The following TPM4 variants were observed in gnomAD, a reference collection of about 807,000 sequenced individuals.
The protein encoded by TPM4 is tropomyosin alpha-4 chain.
A neutral mutation model predicts 35.8 loss-of-function variants in TPM4; 17 were observed. The observed-to-expected ratio is 0.47, with a 90% CI of 0.32 to 0.71. TPM4 has a LOEUF of 0.71. TPM4 is among the 30% of genes least tolerant of loss of function. TPM4 has a pLI of 0.03. For synonymous variants in TPM4, 120 were observed against 122.9 expected, an observed-to-expected ratio of 0.98 and a Z score of 0.15; for missense variants, 240 against 320.9, an observed-to-expected ratio of 0.75 and a Z score of 1.93.
chr19:16,095,755 T>C, intron 7 of TPM4: 2 of 255,390 alleles, frequency 7.8e-6, no homozygotes, highest in Non-Finnish European at 1.2e-5. Flanking sequence ...AATTTTTTTT[T>C]GTTTTTTTGT....
intron 2 of TPM4, among the ~76,000 whole-genome samples, chr19:16,069,968 G>T (rs2090340976): frequency 1.3e-5 from 2 of 151,932 alleles, no homozygotes; most frequent in Non-Finnish European, 2.9e-5. Context: ...ATGGGCACCT[G>T]CCCAGGAGAA....
chr19:16,084,687 T>C (rs116916045), intron 2 of TPM4, among the ~76,000 whole-genome samples: 2 of 152,292 alleles, frequency 1.3e-5, no homozygotes, highest in African/African-American at 2.4e-5. Context: ...GCACTTTCTA[T>C]GGAGCCTTAG....
At chr19:16,093,952 C>CTTTTTT (rs35095689) in intron 7 of TPM4, among the ~76,000 whole-genome samples, 199 bp downstream of exon 7, 11 of 108,792 alleles carry the variant, frequency 1.0e-4, no homozygotes, top group South Asian at 3.2e-4. Flanking sequence ...TTGAATGGCC[C>CTTTTTT]TTTTTTTTTT....
At chr19:16,092,671 G>A (rs1186946928) in intron 5 of TPM4, among the ~76,000 whole-genome samples, 1 of 151,968 alleles carries the variant, frequency 6.6e-6, no homozygotes, top group Non-Finnish European at 1.5e-5. Flanking sequence ...GAGTAGCTGA[G>A]ATTACAGGCA....
chr19:16,092,864 C>CT (rs2090645512), intron 5 of TPM4, among the ~76,000 whole-genome samples: 1 of 151,702 alleles, frequency 6.6e-6, no homozygotes, highest in Non-Finnish European at 1.5e-5. Flanking sequence ...CTTCTTCCTC[C>CT]TTTTTTTTGA....
intron 1 of TPM4, among the ~76,000 whole-genome samples, chr19:16,078,830 T>TACAA (rs2090444834): frequency 7.9e-6 from 1 of 126,406 alleles, no homozygotes; most frequent in Non-Finnish European, 1.7e-5. Context: ...AGGGGTGGGT[T>TACAA]AAAAAAAAAA....
rs751881838 is a variant in TPM4, at chr19:16,089,034, T to C, written c.456-11T>C. On this transcript the variant is annotated splice_polypyrimidine_tract_variant and intron_variant, in intron 4 of 7. Coordinates refer to ENST00000643579, the MANE Select transcript of TPM4 (RefSeq NM_003290.3). ...GAAGATAAGACACAAAAATCCTTTG[T>C]CTTTGTGCAGAAAATGTGGTGACCT... 6.2e-7 allele frequency: 1 copy of C among 1,614,018 alleles called. No individual in the cohort carries two copies. The highest frequency in any genetic ancestry group is 1.7e-5 in the Admixed American group (1 of 60,008).
At chr19:16,092,299 A>T (rs1013777143) in intron 5 of TPM4, among the ~76,000 whole-genome samples, 1 of 152,090 alleles carries the variant, frequency 6.6e-6, no homozygotes, top group Admixed American at 6.6e-5. Context: ...ACAGATTATG[A>T]TCAGGGAGTG....
chr19:16,076,204 G>C, upstream of TPM4: 1 of 1,551,870 alleles, frequency 6.4e-7, no homozygotes, highest in Non-Finnish European at 8.7e-7. Flanking sequence ...AGCCCGCGGC[G>C]GGGCCAGGCC....
chr19:16,068,234 G>A (rs946905139), intron 2 of TPM4, among the ~76,000 whole-genome samples: 1 of 151,914 alleles, frequency 6.6e-6, no homozygotes, highest in East Asian at 1.9e-4. Context: ...CTGGAGTGCA[G>A]TGGCCCAATC....
chr19:16,088,607 T>C, intron 4 of TPM4: 2 of 1,038,656 alleles, frequency 1.9e-6, no homozygotes, highest in Non-Finnish European at 2.3e-6. Context: ...CCACAGAGCA[T>C]CCGGGAGTGC....
At chr19:16,089,669 T>G (rs1198904467) in intron 5 of TPM4, among the ~76,000 whole-genome samples, 3 of 42,904 alleles carry the variant, frequency 7.0e-5, no homozygotes, top group African/African-American at 1.2e-4. Context: ...CACCCCCCAC[T>G]TTTTTTTTTT....
chr19:16,085,976 G>A (rs978269124), intron 2 of TPM4, among the ~76,000 whole-genome samples: 3 of 151,550 alleles, frequency 2.0e-5, no homozygotes, highest in Non-Finnish European at 4.4e-5. Context: ...GGCTGAGACA[G>A]GAGAATTGCT....
chr19:16,068,404 G>A lies in TPM4; in HGVS notation c.114+666G>A, dbSNP rs1278541977. Among the ~76,000 whole-genome samples, 4 of 152,280 alleles carry A rather than the reference G, an allele frequency of 2.6e-5. No homozygotes were observed. The East Asian group carries it at 7.7e-4, about 29-fold the overall frequency. The stretch of plus-strand genomic sequence containing the variant: ...TTGGCCGGACTGGTCTCAAACTCCT[G>A]ACCTCAAGTGATCCGCCCGCGTCTG... On this transcript the variant is annotated intron_variant, in intron 2 of 2. Coordinates refer to the TPM4 transcript ENST00000589897.
chr19:16,090,822 T>TG (rs2090617658), intron 5 of TPM4, among the ~76,000 whole-genome samples: 1 of 146,978 alleles, frequency 6.8e-6, no homozygotes, highest in Non-Finnish European at 1.5e-5. Context: ...TGTGTGTGTG[T>TG]AATTTTTTTT....
At chr19:16,088,915 C>T in intron 4 of TPM4, 130 bp from the exon 5 acceptor site, 6 of 1,498,876 alleles carry the variant, frequency 4.0e-6, no homozygotes, top group Non-Finnish European at 5.3e-6. Flanking sequence ...ATTTTCTCCC[C>T]ACATTCCTTC....
At position 16,102,895 on chromosome 19, in the gene TPM4, C is replaced by G. The variant is rs750590314; in HGVS notation, c.*1549C>G. On this transcript the variant is annotated 3_prime_UTR_variant, in exon 8 of 8. Transcript: ENST00000643579. The stretch of plus-strand genomic sequence containing the variant: ...CCACACTACCCAGGAAATACACTAG[C>G]AAATTGTGCAATGGAATAAAATCCA... 4.5e-6 allele frequency: 1 copy of G among 220,150 alleles called. No individual in the cohort carries two copies. The highest frequency in any genetic ancestry group is 9.0e-6 in the Non-Finnish European group (1 of 110,508). The allele number at this position is 220,150 out of a possible 1,614,324, so 13.6% of individuals were successfully genotyped here. A position where few individuals can be genotyped will look rare whatever the true frequency, so the allele number is the denominator to read the frequency against.
At chr19:16,080,686 T>C in intron 1 of TPM4, 1 of 248,168 alleles carries the variant, frequency 4.0e-6, no homozygotes, top group East Asian at 6.0e-5. Context: ...GTGGTGTCCG[T>C]CTGTAATCCC....
intron 2 of TPM4, among the ~76,000 whole-genome samples, chr19:16,069,386 TA>T (rs2090329707): frequency 6.6e-6 from 1 of 151,644 alleles, no homozygotes; most frequent in Non-Finnish European, 1.5e-5. Context: ...TGTGTGTTTC[TA>T]TTGGTGTGTG....
Sources: gnomAD v4.1 joint callset for allele counts (sites outside exome capture counted in the v4.1 genomes callset) on GRCh38, gnomAD v4.1.1 for gene constraint, MANE v1.5 for transcripts, NCBI Gene and HGNC (gene_info 2026-07-23, HGNC 2026-07-21) for gene names.